Variants in PTPRK observed in about 807,000 individuals in gnomAD.
PTPRK encodes receptor-type tyrosine-protein phosphatase kappa.
PTPRK carries 75 observed loss-of-function variants against 178.0 expected under a neutral mutation model. That is an observed-to-expected ratio of 0.42 (90% CI 0.35 to 0.51). The LOEUF is 0.51. Ranked by LOEUF, PTPRK falls within the 20% of genes least tolerant of loss-of-function variation. PTPRK has a pLI of 0.02. For synonymous variants in PTPRK, 637 were observed against 620.6 expected (o/e 1.03, Z -0.39); for missense variants, 1,441 against 1,797.8 (o/e 0.80, Z 3.59).
rs188610771 is a variant in PTPRK, at chr6:128,044,996, G to T, written c.2194+19762C>A. 6.0e-3 allele frequency among the ~76,000 whole-genome samples: 918 copies of T among 152,024 alleles called. 11 individuals are homozygous for T. Among genetic ancestry groups the T allele is most frequent in the Middle Eastern group, 0.01 (3 of 294 alleles). ...TTTTGTTGAATAAATGAATAAATTT[G>T]TTGGGGAAAATCCTCATATAGCCTG... On this transcript the variant is annotated intron_variant, in intron 13 of 29. Transcript: ENST00000368226.
intron 3 of PTPRK, among the ~76,000 whole-genome samples, chr6:128,316,142 G>A (rs781538410): frequency 6.6e-6 from 1 of 152,170 alleles, no homozygotes; most frequent in Non-Finnish European, 1.5e-5. Context: ...CCTGATCAAT[G>A]TACGCTAAAT....
intron 2 of PTPRK, among the ~76,000 whole-genome samples, chr6:128,335,754 T>C (rs1830837080): frequency 6.6e-6 from 1 of 151,992 alleles, no homozygotes; most frequent in African/African-American, 2.4e-5. Context: ...TCGTCAACTA[T>C]AGCTCAAGGT....
intron 1 of PTPRK, among the ~76,000 whole-genome samples, chr6:128,458,826 G>A (rs925076176): frequency 6.6e-6 from 1 of 152,150 alleles, no homozygotes; most frequent in African/African-American, 2.4e-5. Context: ...GCTTACATAT[G>A]TGAAAGAAAT....
At chr6:128,494,243 C>CT (rs1225508734) in intron 1 of PTPRK, among the ~76,000 whole-genome samples, 18 of 149,134 alleles carry the variant, frequency 1.2e-4, no homozygotes, top group African/African-American at 4.2e-4. Flanking sequence ...CTTGAACCTG[C>CT]TAATTGATAA....
chr6:128,486,582 T>C (rs1333230769), intron 1 of PTPRK, among the ~76,000 whole-genome samples: 5 of 152,214 alleles, frequency 3.3e-5, no homozygotes, highest in Admixed American at 6.5e-5. Flanking sequence ...GACTGAAGGA[T>C]TGCTTGAACT....
At chr6:128,394,392 T>C (rs1840010394) in intron 2 of PTPRK, among the ~76,000 whole-genome samples, 1 of 152,322 alleles carries the variant, frequency 6.6e-6, no homozygotes, top group African/African-American at 2.4e-5. Context: ...TACCCAAGAA[T>C]GGATTTGCTG....
At position 127,970,223 on chromosome 6, in the gene PTPRK, C is replaced by G. The variant is rs1219889840; in HGVS notation, c.*4G>C. On this transcript the variant is annotated 3_prime_UTR_variant, in exon 30 of 30. Coordinates refer to ENST00000368226, the MANE Select transcript of PTPRK (RefSeq NM_002844.4). The stretch of plus-strand genomic sequence containing the variant: ...ATGGATGCACTTTAAAGAGTCTCAC[C>G]CAACTAAGATGATTCCAGGTACTCC... The G allele has an allele frequency of 6.2e-7, 1 of 1,604,670 alleles. No homozygotes were observed. The highest frequency in any genetic ancestry group is 1.1e-5 in the South Asian group (1 of 90,230).
At chr6:128,423,921 C>CA (rs1843783865) in intron 1 of PTPRK, among the ~76,000 whole-genome samples, 1 of 151,442 alleles carries the variant, frequency 6.6e-6, no homozygotes, top group Non-Finnish European at 1.5e-5. Flanking sequence ...ATATGTGGTG[C>CA]AAAAAAAGGT....
intron 13 of PTPRK, among the ~76,000 whole-genome samples, chr6:128,019,910 A>G (rs529462961): frequency 2.4e-4 from 36 of 152,216 alleles, no homozygotes; most frequent in African/African-American, 8.2e-4. Flanking sequence ...GGTTTTTTTA[A>G]GTTGAGGAAC....
Position 128,101,403 on chromosome 6 carries a change from C to A in PTPRK, c.1163-11411G>T, listed in dbSNP as rs796914660. 1.3e-4 allele frequency among the ~76,000 whole-genome samples: 20 copies of A among 152,166 alleles called. 1 individual carries two copies. The highest frequency in any genetic ancestry group is 4.6e-4 in the African/African-American group (19 of 41,548). ...AAGGATGTTAGTTTCCAGACTAAAA[C>A]CTTAAAGACATCATTGGCTCTTCTG... On this transcript the variant is annotated intron_variant, in intron 7 of 29. Transcript: ENST00000368226.
intron 7 of PTPRK, among the ~76,000 whole-genome samples, chr6:128,130,198 T>C (rs566813955): frequency 5.3e-4 from 80 of 152,330 alleles, no homozygotes; most frequent in African/African-American, 1.8e-3. Context: ...GGTTATAATT[T>C]TTCTATCTCA....
At chr6:128,241,536 T>C (rs193006954) in intron 4 of PTPRK, among the ~76,000 whole-genome samples, 7 of 152,340 alleles carry the variant, frequency 4.6e-5, no homozygotes, top group African/African-American at 7.2e-5. Flanking sequence ...TCAGGGAGGA[T>C]TGCTGAACAG....
chr6:128,249,719 G>C (rs1374186721), intron 3 of PTPRK, among the ~76,000 whole-genome samples: 1 of 152,120 alleles, frequency 6.6e-6, no homozygotes, highest in African/African-American at 2.4e-5. Context: ...AAGACGATGA[G>C]CCTTGAAAGT....
intron 6 of PTPRK, among the ~76,000 whole-genome samples, chr6:128,209,535 G>A (rs1366943991): frequency 6.9e-6 from 1 of 145,684 alleles, no homozygotes; most frequent in Admixed American, 6.7e-5. Context: ...AGGCAGCCAC[G>A]AGGCTGCCCT....
chr6:128,193,004 TAC>T (rs1804113626), intron 6 of PTPRK, among the ~76,000 whole-genome samples: 3 of 152,024 alleles, frequency 2.0e-5, no homozygotes, highest in Admixed American at 1.3e-4. Flanking sequence ...TTTTAAAATG[TAC>T]ACTTCAATGT....
intron 25 of PTPRK, among the ~76,000 whole-genome samples, chr6:127,977,635 C>T (rs915646190): frequency 6.6e-6 from 1 of 152,186 alleles, no homozygotes. Flanking sequence ...AGACAATCCA[C>T]CTTCCACAGC....
chr6:128,055,259 CAAAGAA>C (rs1779699444), intron 13 of PTPRK, among the ~76,000 whole-genome samples: 1 of 151,942 alleles, frequency 6.6e-6, no homozygotes, highest in Non-Finnish European at 1.5e-5. Context: ...CTAAAGGACT[CAAAGAA>C]TAAGAAAAAC....
intron 24 of PTPRK, among the ~76,000 whole-genome samples, chr6:127,982,122 G>A (rs1775415577): frequency 6.6e-6 from 1 of 152,132 alleles, no homozygotes. Flanking sequence ...ATAGGTGTGA[G>A]CTGCCACTGA....
chr6:128,267,204 T>C (rs1255640653), intron 3 of PTPRK, among the ~76,000 whole-genome samples: 4 of 152,112 alleles, frequency 2.6e-5, no homozygotes, highest in Non-Finnish European at 5.9e-5. Context: ...CTACCTGCCA[T>C]AAATGCATCT....
Sources: allele counts gnomAD v4.1 joint callset (sites outside exome capture counted in the v4.1 genomes callset), GRCh38; gene constraint gnomAD v4.1.1; transcripts MANE v1.5; gene names NCBI Gene and HGNC (gene_info 2026-07-23, HGNC 2026-07-21).